PLCB1: variants seen among roughly 807,000 people sequenced by gnomAD.
The protein encoded by PLCB1 is phospholipase C beta 1, also known as 1-phosphatidylinositol 4,5-bisphosphate phosphodiesterase beta-1.
In PLCB1, 46 loss-of-function variants were observed where a neutral mutation model predicts 161.8. The ratio of observed to expected loss-of-function variants is 0.28; its 90% confidence interval spans 0.22 to 0.36. The LOEUF (loss-of-function observed/expected upper bound fraction) is 0.36, where lower values mean the gene tolerates loss of function less well. Ranked by LOEUF, PLCB1 falls within the 10% of genes least tolerant of loss-of-function variation. The pLI, the probability that PLCB1 is intolerant of heterozygous loss-of-function variation, is 1.00. For synonymous variants in PLCB1, 517 were observed against 503.7 expected (o/e 1.03, Z -0.35); for missense variants, 1,016 against 1,472.5 (o/e 0.69, Z 5.07).
intron 11 of PLCB1, among the ~76,000 whole-genome samples, chr20:8,701,233 A>G (rs1159402865): frequency 3.3e-5 from 5 of 152,166 alleles, no homozygotes; most frequent in African/African-American, 4.8e-5. Flanking sequence ...ATAATCTGCA[A>G]TCCCATTACC....
chr20:8,489,962 T>C (rs918809814), intron 3 of PLCB1, among the ~76,000 whole-genome samples: 1 of 152,198 alleles, frequency 6.6e-6, no homozygotes, highest in Admixed American at 6.5e-5. Context: ...TGTTGATGTC[T>C]GACAGCACAT....
rs1219996587 is a variant in PLCB1 at position 8,788,692 on chromosome 20, CTAA to C, written c.3249_3251del (p.Lys1084del). The C allele has an allele frequency of 1.2e-6, 2 of 1,610,710 alleles. No homozygotes were observed. The highest frequency in any genetic ancestry group is 2.7e-5 in the African/African-American group (2 of 74,784). ...AAGAGGCAGGAGAAGATAACAGAAG[CTAA>C]ATCCAAAGACAAAAGTCAGATGGAA... is the stretch of plus-strand genomic sequence containing the variant. On this transcript the variant is annotated inframe_deletion, in exon 29 of 32. Coordinates refer to ENST00000338037, the MANE Select transcript of PLCB1 (RefSeq NM_015192.4).
At chr20:8,169,161 T>A (rs1219214100) in intron 2 of PLCB1, among the ~76,000 whole-genome samples, 1 of 152,066 alleles carries the variant, frequency 6.6e-6, no homozygotes. Context: ...GTATATTGGG[T>A]GGGGAGCCAC....
chr20:8,280,742 A>G (rs1982836934), intron 2 of PLCB1, among the ~76,000 whole-genome samples: 1 of 152,234 alleles, frequency 6.6e-6, no homozygotes, highest in African/African-American at 2.4e-5. Flanking sequence ...GCATTTAATT[A>G]TTACAAATTA....
intron 3 of PLCB1, among the ~76,000 whole-genome samples, chr20:8,447,834 G>A (rs892340984): frequency 6.6e-6 from 1 of 152,150 alleles, no homozygotes; most frequent in African/African-American, 2.4e-5. Context: ...GCAAGGACAG[G>A]GGAAAAGGTC....
intron 2 of PLCB1, among the ~76,000 whole-genome samples, chr20:8,316,581 T>G (rs1013906023): frequency 4.6e-5 from 7 of 152,182 alleles, no homozygotes; most frequent in Non-Finnish European, 8.8e-5. Context: ...GCCAAACTTC[T>G]GCTTTTACCC....
At chr20:8,562,086 A>T (rs1304941244) in intron 3 of PLCB1, among the ~76,000 whole-genome samples, 1 of 152,046 alleles carries the variant, frequency 6.6e-6, no homozygotes, top group Non-Finnish European at 1.5e-5. Flanking sequence ...CTCATAGCTT[A>T]GCCAAAGTCT....
intron 31 of PLCB1, among the ~76,000 whole-genome samples, chr20:8,811,187 C>T (rs764705159): frequency 1.3e-5 from 2 of 152,160 alleles, no homozygotes; most frequent in South Asian, 4.1e-4. Flanking sequence ...TCATTATTGG[C>T]CTTGATCTTA....
intron 3 of PLCB1, among the ~76,000 whole-genome samples, chr20:8,495,611 A>C (rs1983135438): frequency 6.6e-6 from 1 of 151,626 alleles, no homozygotes; most frequent in Admixed American, 6.6e-5. Flanking sequence ...GTTAGCCAAG[A>C]TAGTCTGGAT....
chr20:8,253,829 T>C (rs1307980186), intron 2 of PLCB1, among the ~76,000 whole-genome samples: 3 of 151,940 alleles, frequency 2.0e-5, no homozygotes, highest in Non-Finnish European at 4.4e-5. Context: ...TGTTCACCAG[T>C]ATCCAATATT....
At chr20:8,244,803 G>A (rs114086379) in intron 2 of PLCB1, among the ~76,000 whole-genome samples, 3,487 of 151,954 alleles carry the variant, frequency 0.023, 141 homozygotes, top group African/African-American at 0.079. Flanking sequence ...ACAGAGAAGA[G>A]AGAGGCTAAG....
chr20:8,776,141 A>G (rs1600317748), intron 27 of PLCB1, among the ~76,000 whole-genome samples: 1 of 152,230 alleles, frequency 6.6e-6, no homozygotes, highest in Non-Finnish European at 1.5e-5. Context: ...TAGTGGCCGC[A>G]TATTAAGCAT....
At position 8,881,821 on chromosome 20, in the gene PLCB1, C is replaced by T; in HGVS notation, c.3623C>T (p.Pro1208Leu). Residue 1208 changes from proline to leucine, a missense_variant, in exon 32 of 32, where the codon CCA becomes CTA. Transcript: ENST00000338037. Reference sequence around the variant, plus strand: ...AGTGAGGAGCTGGGAGGAGACATCCCAGGAAAAGAATTTGATACTCCTCTG... The same window carrying T: ...AGTGAGGAGCTGGGAGGAGACATCCTAGGAAAAGAATTTGATACTCCTCTG... The part of the protein sequence containing the change: ...PSSEELGGDI[P>L]GKEFDTPL 10 of 1,613,724 alleles carry T rather than the reference C, an allele frequency of 6.2e-6. No homozygotes were observed. Among genetic ancestry groups the T allele is most frequent in the Non-Finnish European group, 8.5e-6 (10 of 1,179,682 alleles).
chr20:8,834,218 G>A (rs1025416114), intron 31 of PLCB1, among the ~76,000 whole-genome samples: 62 of 152,152 alleles, frequency 4.1e-4, no homozygotes, highest in African/African-American at 1.4e-3. Context: ...AAATAAAGAG[G>A]TAAAGTTATA....
At chr20:8,753,975 A>G (rs1981611050) in intron 23 of PLCB1, among the ~76,000 whole-genome samples, 1 of 152,140 alleles carries the variant, frequency 6.6e-6, no homozygotes, top group Admixed American at 6.5e-5. Flanking sequence ...TTGTGTCCCA[A>G]GAGTGACACA....
intron 3 of PLCB1, among the ~76,000 whole-genome samples, chr20:8,508,036 G>T (rs906651007): frequency 6.6e-6 from 1 of 152,060 alleles, no homozygotes; most frequent in Non-Finnish European, 1.5e-5. Context: ...ACCCAAGGAG[G>T]ATTTAACACA....
chr20:8,251,256 G>T (rs1461185323), intron 2 of PLCB1, among the ~76,000 whole-genome samples: 2 of 151,922 alleles, frequency 1.3e-5, no homozygotes, highest in Admixed American at 6.6e-5. Context: ...GATCACAGTG[G>T]GAGTTAAGTT....
intron 3 of PLCB1, among the ~76,000 whole-genome samples, chr20:8,515,293 A>T (rs1984063074): frequency 6.6e-6 from 1 of 152,218 alleles, no homozygotes; most frequent in Non-Finnish European, 1.5e-5. Context: ...AGTTTTATTA[A>T]ACTAATAGTT....
chr20:8,535,560 A>C (rs1490810918), intron 3 of PLCB1, among the ~76,000 whole-genome samples: 1 of 152,166 alleles, frequency 6.6e-6, no homozygotes, highest in Non-Finnish European at 1.5e-5. Flanking sequence ...TAGAGGATTG[A>C]TTAGGGTAGT....
Sources: allele counts gnomAD v4.1 joint callset (sites outside exome capture counted in the v4.1 genomes callset), GRCh38; gene constraint gnomAD v4.1.1; transcripts MANE v1.5; gene names NCBI Gene and HGNC (gene_info 2026-07-23, HGNC 2026-07-21).